The following APOM variants were observed in gnomAD, a reference collection of about 807,000 sequenced individuals.
APOM encodes apolipoprotein M.
In APOM, 24 loss-of-function variants were observed where a neutral mutation model predicts 23.5. The observed-to-expected ratio is 1.02, with a 90% confidence interval of 0.74 to 1.44. The LOEUF is 1.44. Ranked by LOEUF, APOM falls within the 40% of genes most tolerant of loss-of-function variation. The pLI is 0.00. For synonymous variants in APOM, 82 were observed against 84.1 expected (o/e 0.97, Z 0.14); for missense variants, 200 against 233.2 (o/e 0.86, Z 0.93).
intron 2 of APOM, 81 bp downstream of exon 2, chr6:31,656,707 C>G (rs537328543): frequency 6.5e-7 from 1 of 1,531,706 alleles, no homozygotes; most frequent in African/African-American, 1.4e-5. Context: ...GAGCTGGCCT[C>G]TTAGCTGGTA....
chr6:31,653,602 T>C (rs1217319621), upstream of APOM, among the ~76,000 whole-genome samples: 1 of 152,228 alleles, frequency 6.6e-6, no homozygotes, highest in Non-Finnish European at 1.5e-5. Flanking sequence ...CGAACATAAG[T>C]GTCAGAATTG....
upstream of APOM, chr6:31,652,592 TG>T (rs1036228616): frequency 2.6e-5 from 4 of 152,172 alleles, no homozygotes; most frequent in African/African-American, 9.7e-5. Context: ...CCGGCCTAGG[TG>T]GGAGGGAGCC....
chr6:31,654,968 CAG>C (rs1799879778), upstream of APOM, among the ~76,000 whole-genome samples: 2 of 152,132 alleles, frequency 1.3e-5, no homozygotes, highest in Non-Finnish European at 2.9e-5. Flanking sequence ...TGTTTGGAGA[CAG>C]AGTCTCTGTC....
At chr6:31,655,686 C>CCA (rs1025684125), upstream of APOM, 1 of 365,080 alleles carries the variant, frequency 2.7e-6, no homozygotes, top group Non-Finnish European at 5.0e-6. Flanking sequence ...GGTTCAAAGA[C>CCA]CACAGGCTTC....
Position 31,657,650 on chromosome 6 carries a change from G to T in APOM, c.468G>T (p.Lys156Asn), listed in dbSNP as rs535923322. Residue 156 changes from lysine to asparagine, a missense_variant, in exon 5 of 6, where the codon AAG (lysine) becomes AAT (asparagine). Lys to Asn is a moderately conservative substitution (Grantham distance 94). Transcript: ENST00000375916. ...LYNRSPHPPE[K>N]CVEEFKSLTS... is the part of the protein sequence containing the mutation. ...ATCGCTCACCACATCCTCCCGAAAA[G>T]TGTGTGGAGGAATTCAAGTCCCTGA... 1 of 1,613,126 alleles carries T rather than the reference G, an allele frequency of 6.2e-7. No individual in the cohort carries two copies. The highest frequency in any genetic ancestry group is 1.1e-5 in the South Asian group (1 of 91,084).
rs1271130582 is a variant in APOM, at chr6:31,655,989, C to T, written c.23C>T (p.Ala8Val). 3 of 1,600,232 alleles carry T rather than the reference C, an allele frequency of 1.9e-6. No homozygotes were observed. Among genetic ancestry groups the T allele is most frequent in the East Asian group, 2.2e-5 (1 of 44,604 alleles). The change falls in exon 1 of 6, where the codon GCT becomes GTT. Residue 8 changes from alanine to valine, a missense_variant. Ala to Val is a moderately conservative substitution (Grantham distance 64). Transcript: ENST00000375916. MFHQIWA[A>V]LLYFYGIILN... is the part of the protein sequence containing the mutation. Reference sequence around the variant, plus strand: ...AAGATGTTCCACCAAATTTGGGCAGCTCTGCTCTACTTCTATGGTATTATC... The same window carrying T: ...AAGATGTTCCACCAAATTTGGGCAGTTCTGCTCTACTTCTATGGTATTATC...
At position 31,655,932 on chromosome 6, in the gene APOM, A is replaced by C. The variant is rs532054915; in HGVS notation, c.-35A>C. 7.0e-7 allele frequency: 1 copy of C among 1,437,092 alleles called. No individual in the cohort carries two copies. The highest frequency in any genetic ancestry group is 1.4e-5 in the African/African-American group (1 of 71,220). The allele number at this position is 1,437,092 out of a possible 1,614,324, so 89.0% of individuals were successfully genotyped here. ...CAGCCAGTAGGGGAGAGAGCAGTTAAGGCACACAGAGCACCAGCTCCCTCC... is the reference window on the plus strand; with the variant it reads ...CAGCCAGTAGGGGAGAGAGCAGTTACGGCACACAGAGCACCAGCTCCCTCC... On this transcript the variant is annotated 5_prime_UTR_variant, in exon 1 of 6. Coordinates refer to ENST00000375916, the MANE Select transcript of APOM (RefSeq NM_019101.3).
chr6:31,657,975 A>G, intron 5 of APOM, 89 bp from the exon 6 acceptor site: 1 of 1,360,064 alleles, frequency 7.4e-7, no homozygotes, highest in Non-Finnish European at 1.1e-6. Flanking sequence ...GGAATGAAAG[A>G]ACACGTTCTC....
upstream of APOM, among the ~76,000 whole-genome samples, chr6:31,653,897 A>G (rs1329872178): frequency 6.6e-6 from 1 of 152,084 alleles, no homozygotes; most frequent in Admixed American, 6.6e-5. Context: ...CTGGTCTTGC[A>G]GACTTGGCCT....
chr6:31,656,649 C>A (rs772783477), intron 2 of APOM, 23 bp downstream of exon 2: 43 of 1,609,562 alleles, frequency 2.7e-5, no homozygotes, highest in Non-Finnish European at 3.5e-5. Flanking sequence ...GAGGCAGAAG[C>A]ATCACTGGGT....
upstream of APOM, among the ~76,000 whole-genome samples, chr6:31,653,111 C>A (rs71563361): frequency 9.0e-3 from 1,370 of 152,264 alleles, 7 homozygotes; most frequent in South Asian, 0.034. Flanking sequence ...GCGTCACATT[C>A]GTCGGTGTGT....
chr6:31,657,092 G>A (rs1800162836), intron 2 of APOM, 133 bp from the exon 3 acceptor site: 1 of 798,350 alleles, frequency 1.3e-6, no homozygotes, highest in Non-Finnish European at 2.0e-6. Flanking sequence ...CTTGCAGTGA[G>A]CCGAGATGGC....
upstream of APOM, among the ~76,000 whole-genome samples, chr6:31,654,315 G>A (rs950991843): frequency 6.6e-6 from 1 of 151,598 alleles, no homozygotes; most frequent in Non-Finnish European, 1.5e-5. Flanking sequence ...TAATATACTG[G>A]TCACCCAAAT....
In APOM at chr6:31,657,375, G is replaced by A. The variant is rs752514173; in HGVS notation, c.344-5G>A. Reference sequence around the variant, plus strand: ...TTCTCATACTTCTCCCACCTGCCTTGACAGGCCGCCCTGACATGAAGACTG... The same window carrying A: ...TTCTCATACTTCTCCCACCTGCCTTAACAGGCCGCCCTGACATGAAGACTG... On this transcript the variant is annotated splice_region_variant and splice_polypyrimidine_tract_variant and intron_variant, in intron 3 of 5. Transcript: ENST00000375916. The A allele has an allele frequency of 6.2e-7, 1 of 1,613,014 alleles. No individual in the cohort carries two copies. The highest frequency in any genetic ancestry group is 8.5e-7 in the Non-Finnish European group (1 of 1,180,030).
upstream of APOM, among the ~76,000 whole-genome samples, chr6:31,654,681 A>G (rs950779439): frequency 2.6e-5 from 4 of 152,234 alleles, no homozygotes; most frequent in African/African-American, 9.6e-5. Flanking sequence ...TCCATCTCTC[A>G]CAGCATTAAC....
chr6:31,657,214 C>G lies in APOM; in HGVS notation c.270-11C>G. Reference sequence around the variant, plus strand: ...CTCATTCTTTCCTCCTTGCCACCACCACCTCTGCAGGAAAGATGGGCTCTG... The same window carrying G: ...CTCATTCTTTCCTCCTTGCCACCACGACCTCTGCAGGAAAGATGGGCTCTG... On this transcript the variant is annotated splice_polypyrimidine_tract_variant and intron_variant, in intron 2 of 5. Transcript: ENST00000375916. 1 of 1,612,690 alleles carries G rather than the reference C, an allele frequency of 6.2e-7. No individual in the cohort carries two copies. Among genetic ancestry groups the G allele is most frequent in the Non-Finnish European group, 8.5e-7 (1 of 1,179,766 alleles).
At position 31,657,451 on chromosome 6, in the gene APOM, C is replaced by G; in HGVS notation, c.415C>G (p.Gln139Glu). The G allele has an allele frequency of 6.2e-7, 1 of 1,612,876 alleles. No individual in the cohort carries two copies. Among genetic ancestry groups the G allele is most frequent in the Non-Finnish European group, 8.5e-7 (1 of 1,180,018 alleles). Residue 139 changes from glutamine (Q) to glutamate (E), a missense_variant, in exon 4 of 6, where the codon CAG becomes GAG. Gln to Glu is a conservative substitution (Grantham distance 29). Coordinates refer to ENST00000375916, the MANE Select transcript of APOM (RefSeq NM_019101.3). ...PGGIMLNETG[Q>E]GYQRFLLYNR... ...TGGAATCATGCTGAATGAGACAGGCCAGGGTTACCAGCGCTTTCTCCTCTA... is the reference window on the plus strand; with the variant it reads ...TGGAATCATGCTGAATGAGACAGGCGAGGGTTACCAGCGCTTTCTCCTCTA...
At chr6:31,653,522 C>T (rs1413550340), upstream of APOM, among the ~76,000 whole-genome samples, 1 of 152,150 alleles carries the variant, frequency 6.6e-6, no homozygotes, top group African/African-American at 2.4e-5. Flanking sequence ...CCATATACTA[C>T]GGGTTTTGTG....
Position 31,657,695 on chromosome 6 carries a change from A to G in APOM, c.513A>G (p.Lys171=). ...CCCTGACTTCCTGCCTGGACTCCAA[A>G]GCCTTCTTATTGACTCCTAGGAATC... The part of the protein sequence containing the change: ...FKSLTSCLDS[K]AFLLTPRNQE... Residue 171 remains lysine, a synonymous_variant, in exon 5 of 6, where the codon AAA becomes AAG. Coordinates refer to ENST00000375916, the MANE Select transcript of APOM (RefSeq NM_019101.3). The G allele has an allele frequency of 6.2e-7, 1 of 1,613,114 alleles. No homozygotes were observed.
Sources: gnomAD v4.1 joint callset for allele counts (sites outside exome capture counted in the v4.1 genomes callset) on GRCh38, gnomAD v4.1.1 for gene constraint, MANE v1.5 for transcripts, NCBI Gene and HGNC (gene_info 2026-07-23, HGNC 2026-07-21) for gene names.